The following ARRDC3 variants were observed in gnomAD, a reference collection of about 807,000 sequenced individuals.
The protein encoded by ARRDC3 is arrestin domain-containing protein 3.
A neutral mutation model predicts 47.2 loss-of-function variants in ARRDC3; 10 were observed. The ratio of observed to expected loss-of-function variants is 0.21; its 90% CI spans 0.13 to 0.36. The LOEUF (loss-of-function observed/expected upper bound fraction) is 0.36. ARRDC3 is among the 10% of genes least tolerant of loss of function. The pLI, the probability that ARRDC3 is intolerant of heterozygous loss-of-function variation, is 1.00. For synonymous variants in ARRDC3, 156 were observed against 178.3 expected, an observed-to-expected ratio of 0.87 and a Z score of 1.00; for missense variants, 381 against 503.6, an observed-to-expected ratio of 0.76 and a Z score of 2.33.
intron 7 of ARRDC3, among the ~76,000 whole-genome samples, chr5:91,372,314 T>C (rs1799196871): frequency 6.6e-6 from 1 of 152,138 alleles, no homozygotes; most frequent in Non-Finnish European, 1.5e-5. Context: ...CCAAATAACT[T>C]TTAGTTAAAT....
At position 91,370,239 on chromosome 5, in the gene ARRDC3, T is replaced by C. The variant is rs1454128389; in HGVS notation, c.*1161A>G. On this transcript the variant is annotated 3_prime_UTR_variant, in exon 8 of 8. Transcript: ENST00000265138. ...TTAAGTAACTCTGTATAAAAATAAA[T>C]GCACTTTTCCCTCCTTTCCCCAGTG... The C allele has an allele frequency of 2.0e-5, 3 of 152,598 alleles. No individual in the cohort carries two copies. The highest frequency in any genetic ancestry group is 7.2e-5 in the African/African-American group (3 of 41,430). The allele number at this position is 152,598 out of a possible 1,614,324, so 9.5% of individuals were successfully genotyped here. A position where few individuals can be genotyped will look rare whatever the true frequency, so the allele number is the denominator to read the frequency against.
chr5:91,369,873 A>G lies in ARRDC3; in HGVS notation c.*1527T>C, dbSNP rs114643676. 1 of 152,280 alleles carries G rather than the reference A, an allele frequency of 6.6e-6. No individual in the cohort carries two copies. Among genetic ancestry groups the G allele is most frequent in the African/African-American group, 2.4e-5 (1 of 41,562 alleles). The allele number at this position is 152,280 out of a possible 1,614,324, so 9.4% of individuals were successfully genotyped here. Reference sequence around the variant, plus strand: ...CAACAGAAAATTACCTTTAATATAAACTATAACTTACTGATGTGATTGTTC... The same window carrying G: ...CAACAGAAAATTACCTTTAATATAAGCTATAACTTACTGATGTGATTGTTC... On this transcript the variant is annotated 3_prime_UTR_variant, in exon 8 of 8. Coordinates refer to ENST00000265138, the MANE Select transcript of ARRDC3 (RefSeq NM_020801.4).
intron 1 of ARRDC3, chr5:91,380,941 T>TG (rs1799441671): frequency 6.6e-6 from 1 of 152,130 alleles, no homozygotes; most frequent in Non-Finnish European, 1.5e-5. Flanking sequence ...ACGGGCTGGG[T>TG]GGGGGTCGCT....
At chr5:91,379,291 G>GT (rs1799380919) in intron 1 of ARRDC3, among the ~76,000 whole-genome samples, 1 of 49,124 alleles carries the variant, frequency 2.0e-5, no homozygotes, top group African/African-American at 8.3e-5. Flanking sequence ...AATAGACGGA[G>GT]TAAAAAAAAA....
In ARRDC3 at chr5:91,375,515, G is replaced by A. The variant is rs1267210460; in HGVS notation, c.609C>T (p.Thr203=). 6 of 1,606,150 alleles carry A rather than the reference G, an allele frequency of 3.7e-6. No homozygotes were observed. The Admixed American group carries it at 5.0e-5, about 14-fold the overall frequency. Residue 203 remains threonine (T), a synonymous_variant, in exon 4 of 8, where the codon ACC becomes ACT. Coordinates refer to ENST00000265138, the MANE Select transcript of ARRDC3 (RefSeq NM_020801.4). ...LSAKIERKGY[T]PGESIQIFAE... is the part of the protein sequence containing the mutation. ...GGGAATCTACCTCTTACATACCTGG[G>A]GTATAGCCCTTCCTTTCAATTTTGG...
intron 2 of ARRDC3, among the ~76,000 whole-genome samples, chr5:91,378,465 C>G (rs918934889): frequency 6.6e-6 from 1 of 152,018 alleles, no homozygotes; most frequent in African/African-American, 2.4e-5. Context: ...TTAAAAACCT[C>G]ATAAACTTTA....
intron 6 of ARRDC3, 47 bp downstream of exon 6, chr5:91,374,067 G>C: frequency 1.9e-6 from 3 of 1,566,436 alleles, no homozygotes; most frequent in African/African-American, 1.4e-5. Flanking sequence ...TAATTTTCTT[G>C]ATAATAGTAG....
At position 91,370,948 on chromosome 5, in the gene ARRDC3, T is replaced by C. The variant is rs1443497908; in HGVS notation, c.*452A>G. The C allele has an allele frequency of 1.3e-5, 2 of 153,244 alleles. No individual in the cohort carries two copies. The highest frequency in any genetic ancestry group is 2.9e-5 in the Non-Finnish European group (2 of 69,002). 9.5% of individuals were successfully genotyped at this position (153,244 alleles called of 1,614,324 possible). On this transcript the variant is annotated 3_prime_UTR_variant, in exon 8 of 8. Transcript: ENST00000265138. ...TTAAAGTTTTTTCAAAGCTTTGTTT[T>C]GTTCCTTGTTGTGCTGACCACAAAC...
At chr5:91,374,016 A>G in intron 6 of ARRDC3, 98 bp downstream of exon 6, 2 of 1,461,614 alleles carry the variant, frequency 1.4e-6, no homozygotes, top group Non-Finnish European at 1.9e-6. Flanking sequence ...CTTTAGGAAA[A>G]GATTATGTTC....
At chr5:91,380,799 G>C (rs569620513) in intron 1 of ARRDC3, 3 of 152,414 alleles carry the variant, frequency 2.0e-5, no homozygotes, top group African/African-American at 7.2e-5. Flanking sequence ...CGGCAGGAGC[G>C]TCTGCCCTCT....
chr5:91,378,743 T>C lies in ARRDC3; in HGVS notation c.313A>G (p.Ile105Val). The C allele has an allele frequency of 6.2e-7, 1 of 1,600,886 alleles. No homozygotes were observed. Among genetic ancestry groups the C allele is most frequent in the South Asian group, 1.1e-5 (1 of 87,482 alleles). Residue 105 changes from isoleucine to valine, a missense_variant, in exon 2 of 8, where the codon ATT becomes GTT. Coordinates refer to ENST00000265138, the MANE Select transcript of ARRDC3 (RefSeq NM_020801.4). ...DDNSEEGFHT[I>V]HSGRHEYAFS... ...GCATATTCATGCCTTCCTGAATGAA[T>C]AGTGTGGAAGCCTTCTTCGGAATTA... is the stretch of plus-strand genomic sequence containing the variant.
intron 2 of ARRDC3, 25 bp from the exon 3 acceptor site, chr5:91,376,793 T>C (rs760891979): frequency 1.3e-6 from 2 of 1,580,534 alleles, no homozygotes; most frequent in Non-Finnish European, 1.7e-6. Flanking sequence ...AAGGTCAATA[T>C]ATTAATTTTA....
chr5:91,378,596 T>C (rs1799360791), intron 2 of ARRDC3, 98 bp downstream of exon 2: 2 of 725,552 alleles, frequency 2.8e-6, no homozygotes, highest in South Asian at 2.1e-5. Context: ...AAAGGGTTTT[T>C]TTTTCAACTA....
At position 91,383,080 on chromosome 5, in the gene ARRDC3, TTC is replaced by T; in HGVS notation, c.11_12del (p.Gly4GlufsTer10). MVLGKVKSLTISFD... is the reference protein window; with the variant it reads MVLXKVKSLTISFD... The stretch of plus-strand genomic sequence containing the variant: ...AAGCTTATTGTCAAACTCTTCACCT[TTC>T]CCAGCACCATGTTTATAACAAAATC... On this transcript the variant is annotated frameshift_variant, in exon 1 of 8. Coordinates refer to ENST00000265138, the MANE Select transcript of ARRDC3 (RefSeq NM_020801.4). LOFTEE classifies it high-confidence loss of function. 6.2e-7 allele frequency: 1 copy of T among 1,601,494 alleles called. No homozygotes were observed. The highest frequency in any genetic ancestry group is 8.5e-7 in the Non-Finnish European group (1 of 1,175,076).
At chr5:91,381,430 C>T (rs1799456186) in intron 1 of ARRDC3, among the ~76,000 whole-genome samples, 1 of 152,112 alleles carries the variant, frequency 6.6e-6, no homozygotes, top group Non-Finnish European at 1.5e-5. Context: ...CAACAAATAC[C>T]AAGGCTGTCA....
At chr5:91,373,868 C>T in intron 6 of ARRDC3, 30 bp from the exon 7 acceptor site, 1 of 1,612,662 alleles carries the variant, frequency 6.2e-7, no homozygotes, top group Non-Finnish European at 8.5e-7. Context: ...GCAATTCGAA[C>T]AGCATGTTCT....
rs1799116426 is a variant in ARRDC3, at chr5:91,369,394, C to G, written c.*2006G>C. 6.6e-6 allele frequency: 1 copy of G among 152,024 alleles called. No homozygotes were observed. Among genetic ancestry groups the G allele is most frequent in the Admixed American group, 6.6e-5 (1 of 15,134 alleles). The allele number at this position is 152,024 out of a possible 1,614,324, so 9.4% of individuals were successfully genotyped here. Reference sequence around the variant, plus strand: ...GATTCAACAATAAAAAAATATTTCACCCCCATTTCCTTATTATCTAGTATT... The same window carrying G: ...GATTCAACAATAAAAAAATATTTCAGCCCCATTTCCTTATTATCTAGTATT... On this transcript the variant is annotated 3_prime_UTR_variant, in exon 8 of 8. Transcript: ENST00000265138.
rs1799152179 is a variant in ARRDC3, at chr5:91,370,752, A to G, written c.*648T>C. On this transcript the variant is annotated 3_prime_UTR_variant, in exon 8 of 8. Coordinates refer to ENST00000265138, the MANE Select transcript of ARRDC3 (RefSeq NM_020801.4). ...TACTACAGTAGGCTGCAAAACATAC[A>G]GCAAAAAGGATTGGCTTGAAGGCAT... The G allele has an allele frequency of 6.6e-6, 1 of 152,508 alleles. No homozygotes were observed. Among genetic ancestry groups the G allele is most frequent in the Non-Finnish European group, 1.5e-5 (1 of 68,016 alleles). 9.4% of individuals were successfully genotyped at this position (152,508 alleles called of 1,614,324 possible).
In ARRDC3 at chr5:91,383,286, C is replaced by T. The variant is rs891202559; in HGVS notation, c.-194G>A. The T allele has an allele frequency of 1.1e-5, 6 of 558,672 alleles. No homozygotes were observed. Among genetic ancestry groups the T allele is most frequent in the South Asian group, 2.5e-5 (1 of 39,406 alleles). The allele number at this position is 558,672 out of a possible 1,614,324, so 34.6% of individuals were successfully genotyped here. A position where few individuals can be genotyped will look rare whatever the true frequency, so the allele number is the denominator to read the frequency against. On this transcript the variant is annotated 5_prime_UTR_variant, in exon 1 of 8. Coordinates refer to ENST00000265138, the MANE Select transcript of ARRDC3 (RefSeq NM_020801.4). ...GCAGCAGAGGCTGCTGCTCCGCGCTCCCGCTCGTCTCAGTGGTCTCCTTAC... is the reference window on the plus strand; with the variant it reads ...GCAGCAGAGGCTGCTGCTCCGCGCTTCCGCTCGTCTCAGTGGTCTCCTTAC...
Sources: gnomAD v4.1 joint callset for allele counts (sites outside exome capture counted in the v4.1 genomes callset) on GRCh38, gnomAD v4.1.1 for gene constraint, MANE v1.5 for transcripts, NCBI Gene and HGNC (gene_info 2026-07-23, HGNC 2026-07-21) for gene names.